Variants in RSPH14 observed in about 807,000 individuals in gnomAD.
RSPH14 encodes rhabdoid tumor deletion region gene 1.
RSPH14 carries 20 observed loss-of-function variants against 26.7 expected under a neutral mutation model. The observed-to-expected ratio is 0.75, with a 90% CI of 0.53 to 1.09. The LOEUF (loss-of-function observed/expected upper bound fraction) is 1.09, where lower values mean the gene tolerates loss of function less well. RSPH14 is among the 50% of genes least tolerant of loss of function. The pLI is 0.00. For synonymous variants in RSPH14, 177 were observed against 189.3 expected, an observed-to-expected ratio of 0.93 and a Z score of 0.53; for missense variants, 449 against 457.2, an observed-to-expected ratio of 0.98 and a Z score of 0.16.
intron 4 of RSPH14, among the ~76,000 whole-genome samples, chr22:23,114,069 C>CAT: frequency 6.6e-6 from 1 of 152,312 alleles, no homozygotes; most frequent in South Asian, 2.1e-4. Flanking sequence ...AAGCTCATCT[C>CAT]TGTATGAAAC....
chr22:23,107,918 C>T (rs568086182), intron 4 of RSPH14, among the ~76,000 whole-genome samples: 61 of 152,330 alleles, frequency 4.0e-4, no homozygotes, highest in African/African-American at 1.4e-3. Context: ...CACTGGAGGG[C>T]CAGCCCAGGG....
chr22:23,107,911 T>G (rs1015119246), intron 4 of RSPH14, among the ~76,000 whole-genome samples: 1 of 152,196 alleles, frequency 6.6e-6, no homozygotes, highest in Non-Finnish European at 1.5e-5. Context: ...CAGCTGTCAC[T>G]GGAGGGCCAG....
At chr22:23,139,845 G>A (rs2070558574) in intron 2 of RSPH14, among the ~76,000 whole-genome samples, 1 of 152,060 alleles carries the variant, frequency 6.6e-6, no homozygotes, top group Admixed American at 6.5e-5. Flanking sequence ...AGAATCAATT[G>A]AGGCCAAGAG....
At chr22:23,117,548 G>C (rs899611481) in intron 4 of RSPH14, among the ~76,000 whole-genome samples, 1 of 152,228 alleles carries the variant, frequency 6.6e-6, no homozygotes, top group Non-Finnish European at 1.5e-5. Flanking sequence ...CAGGTCTTCC[G>C]ATGAGACCTC....
chr22:23,073,038 G>C (rs915526645), intron 4 of RSPH14, among the ~76,000 whole-genome samples: 4 of 152,254 alleles, frequency 2.6e-5, no homozygotes, highest in Non-Finnish European at 4.4e-5. Flanking sequence ...TAGTCATCTT[G>C]TGTGTGAACA....
At chr22:23,087,038 G>A (rs1485228611) in intron 4 of RSPH14, among the ~76,000 whole-genome samples, 1 of 152,194 alleles carries the variant, frequency 6.6e-6, no homozygotes, top group African/African-American at 2.4e-5. Flanking sequence ...TTCCTCATTC[G>A]GCGAGGAGGA....
At chr22:23,157,625 C>G in the RSPH14 span, among the ~76,000 whole-genome samples, 1 of 152,196 alleles carries the variant, frequency 6.6e-6, no homozygotes, top group East Asian at 1.9e-4. Flanking sequence ...CTACAGGTCT[C>G]GTCCTCGCCA....
intron 4 of RSPH14, among the ~76,000 whole-genome samples, chr22:23,107,846 G>C (rs2146351722): frequency 6.6e-6 from 1 of 152,320 alleles, no homozygotes; most frequent in Admixed American, 6.5e-5. Context: ...TCTTCAGTCT[G>C]TTCTGCCAGA....
At position 23,121,105 on chromosome 22, in the gene RSPH14, C is replaced by T. The variant is rs114382324; in HGVS notation, c.421+12921G>A. The stretch of plus-strand genomic sequence containing the variant: ...TGGGAATGTGCAGCCAGGTTCACTG[C>T]GGAGGCGCTGGCTCCTCTCTGCTCT... On this transcript the variant is annotated intron_variant, in intron 4 of 6. Coordinates refer to ENST00000216036, the MANE Select transcript of RSPH14 (RefSeq NM_014433.3). 9.9e-3 allele frequency among the ~76,000 whole-genome samples: 1,510 copies of T among 152,276 alleles called. 22 individuals carry two copies. The highest frequency in any genetic ancestry group is 0.035 in the African/African-American group (1,440 of 41,548).
the RSPH14 span, among the ~76,000 whole-genome samples, chr22:23,153,782 C>T: frequency 6.7e-6 from 1 of 149,416 alleles, no homozygotes; most frequent in East Asian, 2.0e-4. Context: ...CTGCAACCTC[C>T]ACTTCAAGCG....
chr22:23,121,687 G>T (rs2070028569), intron 4 of RSPH14, among the ~76,000 whole-genome samples: 1 of 151,474 alleles, frequency 6.6e-6, no homozygotes, highest in South Asian at 2.1e-4. Flanking sequence ...CATTACCACG[G>T]TCACTGGTGA....
chr22:23,140,928 A>G (rs954816139), intron 1 of RSPH14, among the ~76,000 whole-genome samples: 2 of 152,228 alleles, frequency 1.3e-5, no homozygotes, highest in African/African-American at 4.8e-5. Context: ...GAGGCCATGA[A>G]ACTGGTAAGA....
intron 4 of RSPH14, among the ~76,000 whole-genome samples, chr22:23,117,734 G>A (rs2069892418): frequency 6.6e-6 from 1 of 152,228 alleles, no homozygotes; most frequent in Non-Finnish European, 1.5e-5. Context: ...TGAGGAAACT[G>A]AGGCCCAGAG....
At chr22:23,097,380 C>G (rs1453189980) in intron 4 of RSPH14, among the ~76,000 whole-genome samples, 1 of 152,180 alleles carries the variant, frequency 6.6e-6, no homozygotes, top group Admixed American at 6.5e-5. Context: ...GACCTGTGCC[C>G]CAGCCAGGGA....
intron 4 of RSPH14, chr22:23,124,449 G>T: frequency 2.1e-6 from 1 of 467,988 alleles, no homozygotes; most frequent in Non-Finnish European, 4.4e-6. Flanking sequence ...CGCGGGACAC[G>T]TGTTGTACAT....
the RSPH14 span, chr22:23,160,786 C>T: frequency 6.5e-7 from 1 of 1,537,598 alleles, no homozygotes; most frequent in Non-Finnish European, 8.8e-7. Flanking sequence ...TACGTGCCAA[C>T]CTGAGGGTAG....
intron 4 of RSPH14, among the ~76,000 whole-genome samples, chr22:23,120,376 G>C (rs1308210260): frequency 2.6e-5 from 4 of 152,072 alleles, no homozygotes; most frequent in Non-Finnish European, 5.9e-5. Flanking sequence ...GGGTCCACGT[G>C]GTCTATCGGC....
upstream of RSPH14, chr22:23,146,584 T>C: frequency 6.2e-7 from 1 of 1,612,112 alleles, no homozygotes; most frequent in African/African-American, 1.3e-5. Context: ...TTAACTGTCT[T>C]TCTCCTGGTT....
chr22:23,171,268 C>T, the RSPH14 span, among the ~76,000 whole-genome samples: 4 of 152,108 alleles, frequency 2.6e-5, no homozygotes, highest in African/African-American at 9.7e-5. Context: ...GCCTGGCCTA[C>T]ACTTTCTACC....
Sources: allele counts gnomAD v4.1 joint callset (sites outside exome capture counted in the v4.1 genomes callset), GRCh38; gene constraint gnomAD v4.1.1; transcripts MANE v1.5; gene names NCBI Gene and HGNC (gene_info 2026-07-23, HGNC 2026-07-21).